The following WT1 variants were observed in gnomAD, a reference collection of about 807,000 sequenced individuals.
WT1 encodes the protein WT1 transcription factor, also known as Wilms tumor protein.
Under a neutral mutation model 60.8 loss-of-function variants are expected in WT1, and 8 were observed. That is an observed-to-expected ratio of 0.13 (90% confidence interval 0.08 to 0.24). WT1 has a LOEUF of 0.24. Ranked by LOEUF, WT1 falls within the 10% of genes least tolerant of loss-of-function variation. WT1 has a pLI of 1.00. For missense variants in WT1, 568 were observed against 711.8 expected (o/e 0.80, Z 2.30); for synonymous variants, 312 against 297.1 (o/e 1.05, Z -0.52).
At position 32,388,987 on chromosome 11, in the gene WT1, G is replaced by A; in HGVS notation, c.*71C>T. The A allele has an allele frequency of 6.2e-7, 1 of 1,610,740 alleles. No individual in the cohort carries two copies. The highest frequency in any genetic ancestry group is 8.5e-7 in the Non-Finnish European group (1 of 1,178,248). ...GTTTCCTTTTTAGTGAGGAGGAGTG[G>A]AGAGTCAGACTTGAAAGCAGTTCAC... On this transcript the variant is annotated 3_prime_UTR_variant, in exon 10 of 10. Coordinates refer to ENST00000452863, the MANE Select transcript of WT1 (RefSeq NM_024426.6).
At chr11:32,428,421 G>A in intron 2 of WT1, 76 bp downstream of exon 2, 2 of 1,607,384 alleles carry the variant, frequency 1.2e-6, no homozygotes, top group Non-Finnish European at 1.7e-6. Flanking sequence ...ATTTGCTGTG[G>A]GTTAGGAATT....
intron 3 of WT1, among the ~76,000 whole-genome samples, chr11:32,424,022 C>A (rs922215813): frequency 3.3e-5 from 5 of 152,042 alleles, no homozygotes; most frequent in Non-Finnish European, 4.4e-5. Context: ...ATTAGCCAGG[C>A]GTGGTGGCAC....
rs539336646 is a variant in WT1 at position 32,399,624 on chromosome 11, C to G, written c.1113+324G>C. On this transcript the variant is annotated intron_variant, in intron 6 of 9. Transcript: ENST00000452863. ...AAATCTTAGAAGTCAAAGGTCCAAG[C>G]GGTTAATTCAAGCCCAATTAGCTTA... is the stretch of plus-strand genomic sequence containing the variant. Among the ~76,000 whole-genome samples, 34 of 152,324 alleles carry G rather than the reference C, an allele frequency of 2.2e-4. No homozygotes were observed. The South Asian group carries it at 3.9e-3, about 18-fold the overall frequency.
At chr11:32,424,164 A>T (rs1005351377) in intron 3 of WT1, among the ~76,000 whole-genome samples, 22 of 142,364 alleles carry the variant, frequency 1.5e-4, no homozygotes, top group African/African-American at 2.4e-4. Context: ...CCATCTCAAA[A>T]AAAAAAAAAA....
At chr11:32,416,458 T>C in intron 5 of WT1, 32 bp downstream of exon 5, 2 of 1,613,992 alleles carry the variant, frequency 1.2e-6, no homozygotes, top group African/African-American at 2.7e-5. Context: ...GCCTACGCCA[T>C]TTGCTTTGCC....
intron 3 of WT1, among the ~76,000 whole-genome samples, chr11:32,418,003 T>C (rs1381894210): frequency 2.0e-5 from 3 of 151,966 alleles, no homozygotes; most frequent in Non-Finnish European, 4.4e-5. Context: ...AACATTAAAG[T>C]TAAAAGCCTG....
At chr11:32,399,415 T>C (rs567780432) in intron 6 of WT1, among the ~76,000 whole-genome samples, 17 of 152,270 alleles carry the variant, frequency 1.1e-4, no homozygotes, top group Admixed American at 9.8e-4. Flanking sequence ...TTATAACAAA[T>C]GTACCACATC....
chr11:32,403,684 C>G (rs1420400915), intron 5 of WT1, among the ~76,000 whole-genome samples: 1 of 151,216 alleles, frequency 6.6e-6, no homozygotes, highest in African/African-American at 2.4e-5. Context: ...ACGCCATTCT[C>G]CTGCCTCAGT....
intron 5 of WT1, among the ~76,000 whole-genome samples, chr11:32,415,705 G>C (rs1263975122): frequency 6.6e-6 from 1 of 152,210 alleles, no homozygotes; most frequent in Non-Finnish European, 1.5e-5. Flanking sequence ...CAGTCCCCCA[G>C]ATGGAAGACA....
intron 5 of WT1, among the ~76,000 whole-genome samples, chr11:32,411,301 A>T (rs1852491365): frequency 6.6e-6 from 1 of 152,246 alleles, no homozygotes; most frequent in African/African-American, 2.4e-5. Context: ...AATAGTTAGA[A>T]TCATGGTATG....
rs886048231 is a variant in WT1 at position 32,435,114 on chromosome 11, C to G, written c.247G>C (p.Ala83Pro). Residue 83 changes from alanine to proline, a missense_variant, in exon 1 of 10, where the codon GCG becomes CCG. Coordinates refer to ENST00000452863, the MANE Select transcript of WT1 (RefSeq NM_024426.6). ...AGGGAGGGGACGGCGGGCAGCAGCGCGTTCAGGTCCCGCACGTCGGAGCCC... is the reference window on the plus strand; with the variant it reads ...AGGGAGGGGACGGCGGGCAGCAGCGGGTTCAGGTCCCGCACGTCGGAGCCC... 12 of 1,510,070 alleles carry G rather than the reference C, an allele frequency of 7.9e-6. No individual in the cohort carries two copies. The highest frequency in any genetic ancestry group is 1.4e-5 in the African/African-American group (1 of 69,488). 93.5% of individuals were successfully genotyped at this position (1,510,070 alleles called of 1,614,324 possible). A position where few individuals can be genotyped will look rare whatever the true frequency, so the allele number is the denominator to read the frequency against.
At chr11:32,429,688 G>A (rs1853204895) in intron 1 of WT1, among the ~76,000 whole-genome samples, 2 of 152,128 alleles carry the variant, frequency 1.3e-5, no homozygotes, top group South Asian at 4.1e-4. Context: ...GTGGCCTGAA[G>A]TCCAGACACA....
intron 5 of WT1, among the ~76,000 whole-genome samples, chr11:32,406,034 G>A (rs1564979951): frequency 6.6e-6 from 1 of 152,214 alleles, no homozygotes; most frequent in East Asian, 1.9e-4. Flanking sequence ...AGGTGAACTG[G>A]GGTAGAGGGA....
At chr11:32,431,176 G>A (rs1853296466) in intron 1 of WT1, among the ~76,000 whole-genome samples, 1 of 152,216 alleles carries the variant, frequency 6.6e-6, no homozygotes. Flanking sequence ...GAGCTGAGGG[G>A]TGAAATGGAC....
intron 3 of WT1, among the ~76,000 whole-genome samples, chr11:32,420,778 C>T (rs111572606): frequency 1.2e-3 from 190 of 152,266 alleles, no homozygotes; most frequent in Middle Eastern, 6.8e-3. Flanking sequence ...TAGAAAATGA[C>T]GATGCTGCAA....
At chr11:32,420,680 TATA>T (rs1224608865) in intron 3 of WT1, among the ~76,000 whole-genome samples, 6 of 151,936 alleles carry the variant, frequency 3.9e-5, no homozygotes, top group Admixed American at 2.0e-4. Context: ...TTACCATTTA[TATA>T]ATAATAATAA....
intron 5 of WT1, among the ~76,000 whole-genome samples, chr11:32,408,171 C>T (rs1260712813): frequency 1.4e-5 from 2 of 144,616 alleles, no homozygotes; most frequent in Non-Finnish European, 3.0e-5. Flanking sequence ...TGCAGTGAGC[C>T]GAGATCGCAT....
chr11:32,429,643 G>T (rs938586947), intron 1 of WT1, among the ~76,000 whole-genome samples: 26 of 152,280 alleles, frequency 1.7e-4, no homozygotes, highest in Admixed American at 6.5e-5. Flanking sequence ...GGAACCCAAG[G>T]ATGGGGTCTC....
intron 3 of WT1, among the ~76,000 whole-genome samples, chr11:32,423,003 G>C (rs899411287): frequency 6.6e-6 from 1 of 152,190 alleles, no homozygotes; most frequent in Admixed American, 6.5e-5. Context: ...ATGTGAAGTC[G>C]GTATAGTCAA....
Sources: allele counts gnomAD v4.1 joint callset (sites outside exome capture counted in the v4.1 genomes callset), GRCh38; gene constraint gnomAD v4.1.1; transcripts MANE v1.5; gene names NCBI Gene and HGNC (gene_info 2026-07-23, HGNC 2026-07-21).